The following RALB variants were observed in gnomAD, a reference collection of about 807,000 sequenced individuals.
The protein encoded by RALB is RAS like proto-oncogene B.
Under a neutral mutation model 21.3 loss-of-function variants are expected in RALB, and 16 were observed. The ratio of observed to expected loss-of-function variants is 0.75; its 90% CI spans 0.51 to 1.14. The LOEUF is 1.14. Among genes scored for constraint, RALB ranks in the 50% most tolerant of loss-of-function variants. The pLI is 0.00. For missense variants in RALB, 161 were observed against 256.2 expected (o/e 0.63, Z 2.54); for synonymous variants, 93 against 96.1 (o/e 0.97, Z 0.19).
intron 3 of RALB, among the ~76,000 whole-genome samples, chr2:120,287,945 TTTGTG>T (rs1175233147): frequency 1.3e-5 from 2 of 152,242 alleles, no homozygotes; most frequent in African/African-American, 4.8e-5. Context: ...TAAAACAGCA[TTTGTG>T]TACTATCTTC....
At chr2:120,250,921 A>G (rs1188608726), upstream of RALB, among the ~76,000 whole-genome samples, 1 of 152,196 alleles carries the variant, frequency 6.6e-6, no homozygotes, top group Non-Finnish European at 1.5e-5. Context: ...ATCTGAATAG[A>G]TGATCCTGCT....
At chr2:120,274,473 A>G (rs1026749214) in intron 1 of RALB, among the ~76,000 whole-genome samples, 8 of 152,168 alleles carry the variant, frequency 5.3e-5, no homozygotes, top group African/African-American at 1.9e-4. Flanking sequence ...TCACAAACTG[A>G]TGAGTGCCCT....
chr2:120,248,572 G>C (rs566675406), upstream of RALB, among the ~76,000 whole-genome samples: 13 of 140,712 alleles, frequency 9.2e-5, no homozygotes, highest in South Asian at 2.5e-3. Flanking sequence ...GGACCCCACT[G>C]TGCGTGGACC....
Position 120,293,005 on chromosome 2 carries a change from C to G in RALB, c.502-136C>G, listed in dbSNP as rs536178732. ...TTTGACTTTGTGCTTTAAAATGTAACTACATATCCTGCTTAGTCAAATTAT... is the reference window on the plus strand; with the variant it reads ...TTTGACTTTGTGCTTTAAAATGTAAGTACATATCCTGCTTAGTCAAATTAT... On this transcript the variant is annotated intron_variant, in intron 4 of 4. Transcript: ENST00000272519. The G allele has an allele frequency of 1.3e-3, 1,109 of 885,398 alleles. 4 individuals carry two copies. Among genetic ancestry groups the G allele is most frequent in the South Asian group, 2.3e-3 (98 of 43,446 alleles). 54.8% of individuals were successfully genotyped at this position (885,398 alleles called of 1,614,324 possible). A position where few individuals can be genotyped will look rare whatever the true frequency, so the allele number is the denominator to read the frequency against.
At chr2:120,280,508 C>T (rs144237952) in intron 2 of RALB, among the ~76,000 whole-genome samples, 3,229 of 129,874 alleles carry the variant, frequency 0.025, 124 homozygotes, top group African/African-American at 0.089. Flanking sequence ...AATGAGAACG[C>T]ATGGACACAG....
intron 4 of RALB, among the ~76,000 whole-genome samples, chr2:120,290,848 G>A (rs927281371): frequency 6.6e-6 from 1 of 152,114 alleles, no homozygotes; most frequent in Admixed American, 6.5e-5. Context: ...TTAAAGATGA[G>A]GCTTTCTGCC....
intron 1 of RALB, among the ~76,000 whole-genome samples, chr2:120,240,935 G>A (rs898316122): frequency 7.9e-5 from 12 of 152,148 alleles, no homozygotes; most frequent in African/African-American, 2.7e-4. Flanking sequence ...TTGGGGGACC[G>A]GAGGCCTACT....
Position 120,293,634 on chromosome 2 carries a change from T to G in RALB, c.*374T>G, listed in dbSNP as rs778378442. 2 of 162,278 alleles carry G rather than the reference T, an allele frequency of 1.2e-5. No individual in the cohort carries two copies. The highest frequency in any genetic ancestry group is 2.7e-5 in the Non-Finnish European group (2 of 75,256). 10.1% of individuals were successfully genotyped at this position (162,278 alleles called of 1,614,324 possible). On this transcript the variant is annotated 3_prime_UTR_variant, in exon 5 of 5. Coordinates refer to ENST00000272519, the MANE Select transcript of RALB (RefSeq NM_002881.3). ...ACCATCCTTCGTTTTGAACTACAGA[T>G]GTTGTAGTGGGTTTTGGAGGAGGGA...
At chr2:120,245,929 C>A (rs905839812) in intron 1 of RALB, among the ~76,000 whole-genome samples, 1 of 152,202 alleles carries the variant, frequency 6.6e-6, no homozygotes, top group African/African-American at 2.4e-5. Context: ...AATAGGGAAT[C>A]GCCCTTTGAT....
chr2:120,250,558 C>T (rs531513708), upstream of RALB, among the ~76,000 whole-genome samples: 3 of 152,340 alleles, frequency 2.0e-5, no homozygotes, highest in East Asian at 1.9e-4. Context: ...TAAAGACTCC[C>T]ACAGTAATCA....
At chr2:120,258,518 G>A (rs1015552580) in intron 1 of RALB, among the ~76,000 whole-genome samples, 1 of 152,218 alleles carries the variant, frequency 6.6e-6, no homozygotes, top group African/African-American at 2.4e-5. Context: ...GCCGCTCATG[G>A]TGAGCCTTTA....
chr2:120,276,334 C>T (rs1264480730), intron 1 of RALB, among the ~76,000 whole-genome samples: 1 of 152,176 alleles, frequency 6.6e-6, no homozygotes, highest in Non-Finnish European at 1.5e-5. Flanking sequence ...GGTGCAGTGG[C>T]TCACACCTGT....
intron 1 of RALB, among the ~76,000 whole-genome samples, chr2:120,259,303 T>G (rs928762745): frequency 2.6e-5 from 4 of 152,188 alleles, no homozygotes; most frequent in Non-Finnish European, 4.4e-5. Context: ...CCGAATGGCC[T>G]GTTTTGTCAG....
chr2:120,265,338 C>G (rs1057478922), intron 1 of RALB, among the ~76,000 whole-genome samples: 2 of 152,146 alleles, frequency 1.3e-5, no homozygotes, highest in African/African-American at 4.8e-5. Context: ...GTAAACATAT[C>G]GAAACGTAGG....
At chr2:120,244,303 A>G (rs896943218) in intron 1 of RALB, among the ~76,000 whole-genome samples, 3 of 152,226 alleles carry the variant, frequency 2.0e-5, no homozygotes, top group African/African-American at 7.2e-5. Context: ...GCCCAGGCTC[A>G]GGCCCAGCCC....
intron 2 of RALB, among the ~76,000 whole-genome samples, chr2:120,279,455 G>A (rs571196454): frequency 6.6e-6 from 1 of 152,088 alleles, no homozygotes; most frequent in Non-Finnish European, 1.5e-5. Context: ...AAAACCCAAT[G>A]AAAAATAACA....
chr2:120,280,053 G>A (rs1027115373), intron 2 of RALB, among the ~76,000 whole-genome samples: 1 of 152,200 alleles, frequency 6.6e-6, no homozygotes, highest in Non-Finnish European at 1.5e-5. Context: ...GTGATGTGAG[G>A]TGCAGGGCCA....
intron 2 of RALB, among the ~76,000 whole-genome samples, chr2:120,279,258 C>T (rs920991748): frequency 3.0e-4 from 45 of 152,134 alleles, no homozygotes; most frequent in African/African-American, 9.2e-4. Flanking sequence ...CCAAAATTTA[C>T]GTCACCTACT....
At chr2:120,244,730 C>T (rs1558942549) in intron 1 of RALB, among the ~76,000 whole-genome samples, 1 of 152,194 alleles carries the variant, frequency 6.6e-6, no homozygotes, top group African/African-American at 2.4e-5. Flanking sequence ...GTATAACACC[C>T]CAGCTGCTAG....
Sources: allele counts gnomAD v4.1 joint callset (sites outside exome capture counted in the v4.1 genomes callset), GRCh38; gene constraint gnomAD v4.1.1; transcripts MANE v1.5; gene names NCBI Gene and HGNC (gene_info 2026-07-23, HGNC 2026-07-21).